GPRC5C: variants seen among roughly 807,000 people sequenced by gnomAD.
GPRC5C encodes the protein G protein-coupled receptor family C group 5 member C.
In GPRC5C, 22 loss-of-function variants were observed where a neutral mutation model predicts 31.4. The observed-to-expected ratio is 0.70, with a 90% confidence interval of 0.50 to 1.00. The LOEUF (loss-of-function observed/expected upper bound fraction) is 1.00, where lower values mean the gene tolerates loss of function less well. Among genes scored for constraint, GPRC5C ranks in the 50% least tolerant of loss-of-function variants. The probability of loss-of-function intolerance (pLI) is 0.00; values close to 1 mark genes in which losing one functional copy is unlikely to be tolerated. For synonymous variants in GPRC5C, 249 were observed against 257.5 expected (o/e 0.97, Z 0.32); for missense variants, 557 against 597.2 (o/e 0.93, Z 0.70).
At chr17:74,442,547 C>T (rs2055556957) in intron 2 of GPRC5C, among the ~76,000 whole-genome samples, 1 of 152,214 alleles carries the variant, frequency 6.6e-6, no homozygotes, top group South Asian at 2.1e-4. Context: ...GACCCTGCCC[C>T]CAGACTGTGC....
rs1015798502 is a variant in GPRC5C, at chr17:74,439,886, C to T, written c.110C>T (p.Pro37Leu). 3.1e-6 allele frequency: 5 copies of T among 1,613,210 alleles called. No individual in the cohort carries two copies. The East Asian group carries it at 1.1e-4, about 36-fold the overall frequency. Residue 37 changes from proline to leucine, a missense_variant, in exon 2 of 4, where the codon CCC (proline) becomes CTC (leucine). Transcript: ENST00000392627. ...VPPGCSQGLN[P>L]LYYNLCDRSG... ...CCCGGCTGCAGCCAAGGCCTCAACCCCCTGTACTACAACCTGTGTGACCGC... is the reference window on the plus strand; with the variant it reads ...CCCGGCTGCAGCCAAGGCCTCAACCTCCTGTACTACAACCTGTGTGACCGC...
Position 74,440,578 on chromosome 17 carries a change from A to G in GPRC5C, c.802A>G (p.Lys268Glu). ...GATCGTCATGTATACTTACGGCAACAAGCAGCACAACAGTCCCACCTGGGA... is the reference window on the plus strand; with the variant it reads ...GATCGTCATGTATACTTACGGCAACGAGCAGCACAACAGTCCCACCTGGGA... ...VWIVMYTYGN[K>E]QHNSPTWDDP... The change falls in exon 2 of 4, where the codon AAG (lysine) becomes GAG (glutamate). Residue 268 changes from lysine (K) to glutamate (E), a missense_variant. Physicochemically the swap from Lys to Glu is moderately conservative, Grantham distance 56 (BLOSUM62 1). Transcript: ENST00000392627. This position sits in a 1 kb window ranked among gnomAD's most constrained non-coding sequence, Gnocchi z 4.4. The G allele has an allele frequency of 6.2e-7, 1 of 1,614,126 alleles. No individual in the cohort carries two copies. Among genetic ancestry groups the G allele is most frequent in the East Asian group, 2.2e-5 (1 of 44,884 alleles).
At position 74,440,555 on chromosome 17, in the gene GPRC5C, T is replaced by C; in HGVS notation, c.779T>C (p.Ile260Thr). Residue 260 changes from isoleucine (I) to threonine (T), a missense_variant, in exon 2 of 4, where the codon ATC (isoleucine) becomes ACC (threonine). Coordinates refer to ENST00000392627, the MANE Select transcript of GPRC5C (RefSeq NM_022036.4). The surrounding 1 kb of genome is among the most constrained non-coding windows in gnomAD (Gnocchi z 4.4). ...ATSVAIWVVWIVMYTYGNKQH... is the reference protein window; with the variant it reads ...ATSVAIWVVWTVMYTYGNKQH... Reference sequence around the variant, plus strand: ...TCCGTTGCCATATGGGTGGTGTGGATCGTCATGTATACTTACGGCAACAAG... The same window carrying C: ...TCCGTTGCCATATGGGTGGTGTGGACCGTCATGTATACTTACGGCAACAAG... 1 of 1,614,168 alleles carries C rather than the reference T, an allele frequency of 6.2e-7. No individual in the cohort carries two copies. Among genetic ancestry groups the C allele is most frequent in the Non-Finnish European group, 8.5e-7 (1 of 1,180,030 alleles).
Position 74,439,801 on chromosome 17 carries a change from A to G in GPRC5C, c.25A>G (p.Met9Val). 6.2e-7 allele frequency: 1 copy of G among 1,613,474 alleles called. No individual in the cohort carries two copies. Among genetic ancestry groups the G allele is most frequent in the Non-Finnish European group, 8.5e-7 (1 of 1,179,850 alleles). Residue 9 changes from methionine (M) to valine (V), a missense_variant, in exon 2 of 4, where the codon ATG (methionine) becomes GTG (valine). By Grantham distance (21) the Met-to-Val change is conservative (BLOSUM62 1). Transcript: ENST00000392627. ...GATGGCCATCCACAAAGCCTTGGTG[A>G]TGTGCCTGGGACTGCCTCTCTTCCT... The part of the protein sequence containing the change: MAIHKALV[M>V]CLGLPLFLFP...
intron 2 of GPRC5C, 136 bp from the exon 3 acceptor site, chr17:74,443,682 G>T: frequency 2.6e-6 from 2 of 777,038 alleles, no homozygotes; most frequent in Non-Finnish European, 4.6e-6. Context: ...CCACTCCTGG[G>T]TTAGAGACTA....
rs745697747 is a variant in GPRC5C, at chr17:74,433,766, TGA to T, written c.-33+1627_-33+1628del. 20 of 1,605,170 alleles carry T rather than the reference TGA, an allele frequency of 1.2e-5. No individual in the cohort carries two copies. In the African/African-American group the frequency reaches 2.4e-4, roughly 19 times the overall value. ...ACAGCCATTGGCCATGGGTCAGTGT[TGA>T]GTTTGGTTGGCCCTGTGACGCGCTG... On this transcript the variant is annotated intron_variant, in intron 1 of 3. Transcript: ENST00000392627.
Position 74,440,431 on chromosome 17 carries a change from C to A in GPRC5C, c.655C>A (p.Leu219Met). Residue 219 changes from leucine (L) to methionine (M), a missense_variant, in exon 2 of 4, where the codon CTG (leucine) becomes ATG (methionine). Leu to Met is a conservative substitution (Grantham distance 15). Transcript: ENST00000392627. The surrounding 1 kb of genome is among the most constrained non-coding windows in gnomAD (Gnocchi z 4.4). The stretch of plus-strand genomic sequence containing the variant: ...CATGGCACTCATCTACGTCATGCTG[C>A]TGCTGCTGGGTGCCTTCCTGGGGGC... The part of the protein sequence containing the change: ...FVMALIYVML[L>M]LLGAFLGAWP... The A allele has an allele frequency of 6.2e-7, 1 of 1,613,952 alleles. No homozygotes were observed. The highest frequency in any genetic ancestry group is 1.1e-5 in the South Asian group (1 of 91,076).
intron 3 of GPRC5C, chr17:74,446,150 T>G (rs2055631265): frequency 6.6e-6 from 1 of 151,238 alleles, no homozygotes; most frequent in Non-Finnish European, 1.5e-5. Flanking sequence ...GGCGGTCGAC[T>G]CGGGGTAATA....
chr17:74,440,115 C>T lies in GPRC5C; in HGVS notation c.339C>T (p.Phe113=), dbSNP rs753329019. The T allele has an allele frequency of 2.8e-5, 46 of 1,614,038 alleles. No homozygotes were observed. Among genetic ancestry groups the T allele is most frequent in the Non-Finnish European group, 3.9e-5 (46 of 1,180,050 alleles). ...LVFACVVKPD[F]STCASRRFLF... ...TTGCCTGTGTGGTGAAGCCCGACTT[C>T]TCCACCTGTGCCTCTCGGCGCTTCC... The change falls in exon 2 of 4, where the codon TTC becomes TTT. Residue 113 remains phenylalanine, a synonymous_variant. Transcript: ENST00000392627. This position sits in a 1 kb window ranked among gnomAD's most constrained non-coding sequence, Gnocchi z 4.4.
At chr17:74,434,553 T>C (rs1186069063) in intron 1 of GPRC5C, among the ~76,000 whole-genome samples, 3 of 152,102 alleles carry the variant, frequency 2.0e-5, no homozygotes, top group African/African-American at 7.2e-5. Flanking sequence ...GAGGCAGAAG[T>C]TTCCTCCAGG....
intron 1 of GPRC5C, among the ~76,000 whole-genome samples, chr17:74,438,883 G>A (rs543021429): frequency 6.6e-6 from 1 of 152,316 alleles, no homozygotes; most frequent in East Asian, 1.9e-4. Flanking sequence ...CAGATCTGTG[G>A]CATTTGGTAG....
chr17:74,434,918 C>T (rs1353413788), intron 1 of GPRC5C, among the ~76,000 whole-genome samples: 3 of 147,484 alleles, frequency 2.0e-5, no homozygotes, highest in Admixed American at 6.8e-5. Flanking sequence ...AGTGAAGCTT[C>T]GTCTCAAGAA....
chr17:74,432,601 G>GT, intron 1 of GPRC5C: 1 of 791,110 alleles, frequency 1.3e-6, no homozygotes, highest in Non-Finnish European at 1.5e-6. Flanking sequence ...GGGCAGAGGC[G>GT]GGGGGACTGG....
rs1352335267 is a variant in GPRC5C at position 74,440,812 on chromosome 17, G to A, written c.1036G>A (p.Asp346Asn). 1.3e-6 allele frequency: 2 copies of A among 1,488,574 alleles called. No individual in the cohort carries two copies. Among genetic ancestry groups the A allele is most frequent in the South Asian group, 1.4e-5 (1 of 69,422 alleles). The allele number at this position is 1,488,574 out of a possible 1,614,324, so 92.2% of individuals were successfully genotyped here. A position where few individuals can be genotyped will look rare whatever the true frequency, so the allele number is the denominator to read the frequency against. ...CGTGGAGAACAAGGCCTTTTCCATG[G>A]ATGAGCCGGTTGCAGGTGGGTCTCT... ...MFVENKAFSM[D>N]EPVAAKRPVS... Residue 346 changes from aspartate (D) to asparagine (N), a missense_variant, in exon 2 of 4, where the codon GAT becomes AAT. By Grantham distance (23) the Asp-to-Asn change is conservative. Coordinates refer to ENST00000392627, the MANE Select transcript of GPRC5C (RefSeq NM_022036.4). This position sits in a 1 kb window ranked among gnomAD's most constrained non-coding sequence, Gnocchi z 4.4.
chr17:74,438,626 TG>T (rs1173549442), intron 1 of GPRC5C, among the ~76,000 whole-genome samples: 3 of 152,130 alleles, frequency 2.0e-5, no homozygotes, highest in African/African-American at 7.2e-5. Context: ...CTCAAACTCC[TG>T]GACTCTAGCA....
rs929992226 is a variant in GPRC5C, at chr17:74,432,122, C to A, written c.-52C>A. 3.1e-6 allele frequency: 5 copies of A among 1,613,226 alleles called. No individual in the cohort carries two copies. The South Asian group carries it at 4.4e-5, about 14-fold the overall frequency. On this transcript the variant is annotated 5_prime_UTR_variant, in exon 1 of 4. Transcript: ENST00000392627. ...CATCTCCCTCACCAGCCGGAAAGTA[C>A]GAGTCGGCTCAGCCTGGAGGTGAGT...
Position 74,447,356 on chromosome 17 carries a change from C to CA in GPRC5C, c.*329dup. On this transcript the variant is annotated 3_prime_UTR_variant, in exon 4 of 4. Transcript: ENST00000392627. ...ATTCCTGCAACCTCAAGAGACTTCCCAGGCGCTCAGGCCTGGATCTTGCTC... is the reference window on the plus strand; with the variant it reads ...ATTCCTGCAACCTCAAGAGACTTCCCAAGGCGCTCAGGCCTGGATCTTGCTC... 9.3e-7 allele frequency: 1 copy of CA among 1,075,916 alleles called. No homozygotes were observed. Among genetic ancestry groups the CA allele is most frequent in the Non-Finnish European group, 1.1e-6 (1 of 886,686 alleles). The allele number at this position is 1,075,916 out of a possible 1,614,324, so 66.6% of individuals were successfully genotyped here.
In GPRC5C at chr17:74,442,872, T is replaced by G. The variant is rs761077344; in HGVS notation, c.1052-946T>G. ...GCAAAACCCACCAGAGAGGTGGGGC[T>G]TACAGACAAGTGCTGGGAGGAGCCT... On this transcript the variant is annotated intron_variant, in intron 2 of 3. Coordinates refer to ENST00000392627, the MANE Select transcript of GPRC5C (RefSeq NM_022036.4). Among the ~76,000 whole-genome samples, 44 of 152,162 alleles carry G rather than the reference T, an allele frequency of 2.9e-4. 1 individual carries two copies. The highest frequency in any genetic ancestry group is 3.4e-3 in the Middle Eastern group (1 of 292).
At position 74,433,802 on chromosome 17, in the gene GPRC5C, T is replaced by C. The variant is rs369700678; in HGVS notation, c.-33+1661T>C. The C allele has an allele frequency of 4.3e-6, 6 of 1,386,708 alleles. 1 individual carries two copies. The South Asian group carries it at 4.6e-5, about 11-fold the overall frequency. The allele number at this position is 1,386,708 out of a possible 1,614,324, so 85.9% of individuals were successfully genotyped here. On this transcript the variant is annotated intron_variant, in intron 1 of 3. Coordinates refer to ENST00000392627, the MANE Select transcript of GPRC5C (RefSeq NM_022036.4). The stretch of plus-strand genomic sequence containing the variant: ...GGCCCTGTGACGCGCTGGAGCTCTC[T>C]TTCCAGTGCGGTATCCTTGGCCCTG...
Sources: allele counts gnomAD v4.1 joint callset (sites outside exome capture counted in the v4.1 genomes callset), GRCh38; gene constraint gnomAD v4.1.1; non-coding constraint Gnocchi (gnomAD v3.1); transcripts MANE v1.5; gene names NCBI Gene and HGNC (gene_info 2026-07-23, HGNC 2026-07-21).